The following MIS18A variants were observed in gnomAD, a reference collection of about 807,000 sequenced individuals.
MIS18A encodes protein Mis18-alpha.
In MIS18A, 14 loss-of-function variants were observed where a neutral mutation model predicts 25.0. The ratio of observed to expected loss-of-function variants is 0.56; its 90% CI spans 0.37 to 0.88. The LOEUF is 0.88. Among genes scored for constraint, MIS18A ranks in the 40% least tolerant of loss-of-function variants. The pLI, the probability that MIS18A is intolerant of heterozygous loss-of-function variation, is 0.00. For synonymous variants in MIS18A, 134 were observed against 118.6 expected, an observed-to-expected ratio of 1.13 and a Z score of -0.84; for missense variants, 292 against 290.8, an observed-to-expected ratio of 1.00 and a Z score of -0.03.
chr21:32,210,991 C>T, the MIS18A span, among the ~76,000 whole-genome samples: 65 of 152,254 alleles, frequency 4.3e-4, no homozygotes, highest in African/African-American at 1.5e-3. Context: ...ATCTTGATAG[C>T]CCTGTGCCAA....
At chr21:32,238,177 G>A in the MIS18A span, among the ~76,000 whole-genome samples, 1 of 152,140 alleles carries the variant, frequency 6.6e-6, no homozygotes, top group Non-Finnish European at 1.5e-5. Flanking sequence ...TGTGTCACAT[G>A]AACACTTTGC....
the MIS18A span, among the ~76,000 whole-genome samples, chr21:32,181,760 G>A: frequency 2.0e-5 from 3 of 152,228 alleles, no homozygotes; most frequent in African/African-American, 7.2e-5. Context: ...GAAAGGCCTG[G>A]GAGATCTCTG....
chr21:32,220,969 T>C, the MIS18A span, among the ~76,000 whole-genome samples: 3 of 151,686 alleles, frequency 2.0e-5, no homozygotes, highest in African/African-American at 7.3e-5. Context: ...CTCCAAGAAA[T>C]ATGGGACTAT....
the MIS18A span, among the ~76,000 whole-genome samples, chr21:32,202,115 G>T: frequency 6.6e-6 from 1 of 151,798 alleles, no homozygotes; most frequent in Non-Finnish European, 1.5e-5. Context: ...ATGGCGAGAC[G>T]TTGTCTCTAC....
chr21:32,177,344 A>G, the MIS18A span, among the ~76,000 whole-genome samples: 1 of 152,282 alleles, frequency 6.6e-6, no homozygotes, highest in African/African-American at 2.4e-5. Context: ...ACCTACATCA[A>G]ATATGATACT....
At chr21:32,205,618 C>A in the MIS18A span, among the ~76,000 whole-genome samples, 1 of 152,120 alleles carries the variant, frequency 6.6e-6, no homozygotes, top group Non-Finnish European at 1.5e-5. Context: ...TTAAAAGCTT[C>A]TTGGCCATCT....
the MIS18A span, among the ~76,000 whole-genome samples, chr21:32,241,386 A>C: frequency 2.0e-4 from 30 of 151,636 alleles, no homozygotes; most frequent in East Asian, 9.7e-4. Context: ...AAAAAAAAAA[A>C]CTCAAGAAAG....
At chr21:32,272,642 C>T (rs1487820383) in intron 2 of MIS18A, among the ~76,000 whole-genome samples, 1 of 152,210 alleles carries the variant, frequency 6.6e-6, no homozygotes. Context: ...GAACTAATAA[C>T]ATTTGTTTTC....
chr21:32,180,768 C>A, the MIS18A span, among the ~76,000 whole-genome samples: 1 of 152,196 alleles, frequency 6.6e-6, no homozygotes, highest in Non-Finnish European at 1.5e-5. Context: ...CTTCTCCCTA[C>A]GAGCCTATCC....
the MIS18A span, among the ~76,000 whole-genome samples, chr21:32,253,765 T>C: frequency 6.6e-6 from 1 of 152,208 alleles, no homozygotes; most frequent in Admixed American, 6.5e-5. Context: ...AAAACGCTCC[T>C]AGAAGCTTCT....
chr21:32,266,593 C>T (rs952063087), downstream of MIS18A, among the ~76,000 whole-genome samples: 3 of 151,902 alleles, frequency 2.0e-5, no homozygotes, highest in South Asian at 2.1e-4. Flanking sequence ...ACTCCAGACG[C>T]GCTGCCTTAA....
At chr21:32,277,760 AGGCCTGAG>A (rs1569017092) in intron 1 of MIS18A, 4 of 152,214 alleles carry the variant, frequency 2.6e-5, no homozygotes, top group Admixed American at 1.3e-4. Flanking sequence ...CTGGGATTAC[AGGCCTGAG>A]GCACCGCGCT....
At chr21:32,209,351 G>C in the MIS18A span, among the ~76,000 whole-genome samples, 1 of 152,148 alleles carries the variant, frequency 6.6e-6, no homozygotes, top group Non-Finnish European at 1.5e-5. Flanking sequence ...AGGCTCACTT[G>C]CTTAATGAAC....
chr21:32,226,483 G>A, the MIS18A span, among the ~76,000 whole-genome samples: 428 of 152,018 alleles, frequency 2.8e-3, 2 homozygotes, highest in African/African-American at 9.1e-3. Flanking sequence ...TACAAAAATC[G>A]TTACTAGAGA....
the MIS18A span, among the ~76,000 whole-genome samples, chr21:32,201,544 G>A: frequency 1.2e-3 from 183 of 152,280 alleles, no homozygotes; most frequent in African/African-American, 4.3e-3. Flanking sequence ...TTGCAGGCTG[G>A]GCACAGTAGC....
At chr21:32,157,515 G>C in the MIS18A span, among the ~76,000 whole-genome samples, 4 of 151,186 alleles carry the variant, frequency 2.6e-5, no homozygotes, top group East Asian at 1.9e-4. Flanking sequence ...ATTTATTATA[G>C]TAAAGTTTTT....
the MIS18A span, among the ~76,000 whole-genome samples, chr21:32,188,310 C>T: frequency 6.6e-6 from 1 of 152,248 alleles, no homozygotes. Flanking sequence ...ACAGCATTGG[C>T]AGTAGCCAGA....
chr21:32,251,144 C>T, the MIS18A span, among the ~76,000 whole-genome samples: 2 of 152,144 alleles, frequency 1.3e-5, no homozygotes, highest in African/African-American at 4.8e-5. Flanking sequence ...AACTACGAGT[C>T]AATTAAACCT....
rs144737486 is a variant in MIS18A at position 32,275,704 on chromosome 21, C to T, written c.335-808G>A. On this transcript the variant is annotated intron_variant, in intron 1 of 4. Transcript: ENST00000290130. The stretch of plus-strand genomic sequence containing the variant: ...CGGCCTCCTACAGTCTACCTTAACT[C>T]GGTAAACTCCAACTCCATCTACCTG... Among the ~76,000 whole-genome samples the T allele has an allele frequency of 3.9e-5, 6 of 152,222 alleles. No homozygotes were observed. In the East Asian group the frequency reaches 1.2e-3, roughly 30 times the overall value.
Sources: gnomAD v4.1 joint callset for allele counts (sites outside exome capture counted in the v4.1 genomes callset) on GRCh38, gnomAD v4.1.1 for gene constraint, MANE v1.5 for transcripts, NCBI Gene and HGNC (gene_info 2026-07-23, HGNC 2026-07-21) for gene names.